Variants in CRYBG1 observed in about 807,000 individuals in gnomAD.
The protein encoded by CRYBG1 is beta/gamma crystallin domain-containing protein 1.
In CRYBG1, 139 loss-of-function variants were observed where a neutral mutation model predicts 189.2. That is an observed-to-expected ratio of 0.73 (90% CI 0.64 to 0.85). The LOEUF (loss-of-function observed/expected upper bound fraction) is 0.85, where lower values mean the gene tolerates loss of function less well. Among genes scored for constraint, CRYBG1 ranks in the 40% least tolerant of loss-of-function variants. The pLI, the probability that CRYBG1 is intolerant of heterozygous loss-of-function variation, is 0.00. For synonymous variants in CRYBG1, 1,023 were observed against 1,017.1 expected, an observed-to-expected ratio of 1.01 and a Z score of -0.11; for missense variants, 2,611 against 2,675.8, an observed-to-expected ratio of 0.98 and a Z score of 0.53.
chr6:106,373,727 A>G (rs1298312807), intron 1 of CRYBG1, among the ~76,000 whole-genome samples: 1 of 152,210 alleles, frequency 6.6e-6, no homozygotes, highest in African/African-American at 2.4e-5. Context: ...ACCAGACTGG[A>G]AATTTATATG....
intron 2 of CRYBG1, among the ~76,000 whole-genome samples, chr6:106,498,275 A>G (rs1256684735): frequency 2.0e-4 from 31 of 152,194 alleles, no homozygotes; most frequent in Non-Finnish European, 4.4e-5. Flanking sequence ...ATAATGACTA[A>G]TTATAAAGCA....
In CRYBG1 at chr6:106,370,638, G is replaced by A. The variant is rs114928011; in HGVS notation, c.173+9557G>A. Reference sequence around the variant, plus strand: ...GGCTTATAAGGGTTCTGTGAAATAAGCCCATACCCTCATTCTGAGGATAAG... The same window carrying A: ...GGCTTATAAGGGTTCTGTGAAATAAACCCATACCCTCATTCTGAGGATAAG... On this transcript the variant is annotated intron_variant, in intron 1 of 21. Transcript: ENST00000633556. Among the ~76,000 whole-genome samples the A allele has an allele frequency of 3.1e-3, 475 of 152,278 alleles. 1 individual carries two copies. The highest frequency in any genetic ancestry group is 0.011 in the African/African-American group (452 of 41,574).
intron 21 of CRYBG1, among the ~76,000 whole-genome samples, chr6:106,567,298 C>G (rs1275975149): frequency 6.6e-6 from 1 of 152,092 alleles, no homozygotes; most frequent in Non-Finnish European, 1.5e-5. Context: ...CTGCTACAAA[C>G]TTACACATAA....
At chr6:106,526,964 C>CA (rs1225360714) in intron 6 of CRYBG1, among the ~76,000 whole-genome samples, 1,406 of 106,734 alleles carry the variant, frequency 0.013, 17 homozygotes, top group East Asian at 0.063. Context: ...AAAAAAGAGA[C>CA]AAAAAAAAAA....
chr6:106,485,123 G>T (rs1772570749), intron 2 of CRYBG1, among the ~76,000 whole-genome samples: 1 of 152,144 alleles, frequency 6.6e-6, no homozygotes, highest in Non-Finnish European at 1.5e-5. Context: ...TCCAATCCAT[G>T]GACAGAAGAT....
chr6:106,446,793 C>A (rs1771671584), intron 1 of CRYBG1, among the ~76,000 whole-genome samples: 1 of 152,142 alleles, frequency 6.6e-6, no homozygotes, highest in Non-Finnish European at 1.5e-5. Flanking sequence ...CTTATATAAG[C>A]TTTAGGTCTC....
chr6:106,459,451 T>C (rs927825957), intron 2 of CRYBG1, among the ~76,000 whole-genome samples: 1 of 152,082 alleles, frequency 6.6e-6, no homozygotes, highest in Non-Finnish European at 1.5e-5. Flanking sequence ...CTTAAATTCT[T>C]TCCTCACCCT....
intron 20 of CRYBG1, among the ~76,000 whole-genome samples, chr6:106,562,590 G>C (rs963827792): frequency 9.9e-5 from 15 of 152,106 alleles, no homozygotes; most frequent in Non-Finnish European, 2.1e-4. Context: ...GGGTTCACGC[G>C]ATTCTCCTGC....
intron 1 of CRYBG1, among the ~76,000 whole-genome samples, chr6:106,433,790 TAC>T: frequency 7.2e-6 from 1 of 139,048 alleles, no homozygotes; most frequent in African/African-American, 2.7e-5. Flanking sequence ...TATATAAACA[TAC>T]ACACACATAC....
At position 106,513,090 on chromosome 6, in the gene CRYBG1, G is replaced by T. The variant is rs765551941; in HGVS notation, c.1922+51G>T. 4 of 1,556,972 alleles carry T rather than the reference G, an allele frequency of 2.6e-6. No individual in the cohort carries two copies. The South Asian group carries it at 4.6e-5, about 18-fold the overall frequency. ...GAGTTGCTGTCCGCACACGTGCTGG[G>T]GGTCCGCTCTGAGAGGCTCGGGGTA... On this transcript the variant is annotated intron_variant, in intron 3 of 21. Coordinates refer to ENST00000633556, the MANE Select transcript of CRYBG1 (RefSeq NM_001371242.2).
At chr6:106,473,115 G>A (rs775286211) in intron 2 of CRYBG1, among the ~76,000 whole-genome samples, 1 of 152,110 alleles carries the variant, frequency 6.6e-6, no homozygotes, top group Non-Finnish European at 1.5e-5. Flanking sequence ...TTCTATAAAG[G>A]AGGAATAAAA....
rs1774956861 is a variant in CRYBG1 at position 106,568,463 on chromosome 6, T to C, written c.6302-9T>C. The C allele has an allele frequency of 6.2e-7, 1 of 1,607,210 alleles. No individual in the cohort carries two copies. The highest frequency in any genetic ancestry group is 8.5e-7 in the Non-Finnish European group (1 of 1,173,876). ...TACATTCATCTTTTATTATTTTCCT[T>C]TCTTTTAGGGGGCACACAGTATGAT... On this transcript the variant is annotated splice_polypyrimidine_tract_variant and intron_variant, in intron 21 of 21. Coordinates refer to ENST00000633556, the MANE Select transcript of CRYBG1 (RefSeq NM_001371242.2).
At chr6:106,442,420 G>A (rs1771582048) in intron 1 of CRYBG1, among the ~76,000 whole-genome samples, 1 of 152,076 alleles carries the variant, frequency 6.6e-6, no homozygotes. Flanking sequence ...AGCTAAGGTG[G>A]GGCAAAGGTA....
At chr6:106,401,142 T>C (rs548623001) in intron 1 of CRYBG1, among the ~76,000 whole-genome samples, 15 of 152,338 alleles carry the variant, frequency 9.8e-5, no homozygotes, top group African/African-American at 2.9e-4. Flanking sequence ...GTCATTCTTC[T>C]TGATACTAAA....
chr6:106,388,307 C>G (rs1562293420), intron 1 of CRYBG1, among the ~76,000 whole-genome samples: 1 of 152,116 alleles, frequency 6.6e-6, no homozygotes, highest in Admixed American at 6.6e-5. Context: ...CCTGAACTAT[C>G]CTGGGGCTAA....
intron 1 of CRYBG1, among the ~76,000 whole-genome samples, chr6:106,437,819 C>T (rs1050345858): frequency 7.9e-5 from 12 of 152,150 alleles, no homozygotes; most frequent in Admixed American, 7.9e-4. Context: ...CGCTCCTAAT[C>T]TTTATGATTT....
At position 106,482,636 on chromosome 6, in the gene CRYBG1, G is replaced by A. The variant is rs577695887; in HGVS notation, c.313-28794G>A. Among the ~76,000 whole-genome samples, 11 of 152,174 alleles carry A rather than the reference G, an allele frequency of 7.2e-5. No individual in the cohort carries two copies. The East Asian group carries it at 7.7e-4, about 11-fold the overall frequency. Reference sequence around the variant, plus strand: ...TAAAAATACAAAAAATTAGCTGGGCGTGGTGGCGGGCACCTGTATTCCCAG... The same window carrying A: ...TAAAAATACAAAAAATTAGCTGGGCATGGTGGCGGGCACCTGTATTCCCAG... On this transcript the variant is annotated intron_variant, in intron 2 of 21. Coordinates refer to ENST00000633556, the MANE Select transcript of CRYBG1 (RefSeq NM_001371242.2).
intron 2 of CRYBG1, among the ~76,000 whole-genome samples, chr6:106,461,983 C>T (rs531667318): frequency 6.6e-6 from 1 of 152,204 alleles, no homozygotes; most frequent in African/African-American, 2.4e-5. Flanking sequence ...ATTGATTTGT[C>T]CAATATTTCT....
At chr6:106,541,517 G>A (rs1774129339) in intron 9 of CRYBG1, 69 bp from the exon 10 acceptor site, 1 of 1,408,504 alleles carries the variant, frequency 7.1e-7, no homozygotes, top group South Asian at 1.2e-5. Context: ...ACTGTAAACT[G>A]CTATGGCTAA....
Sources: gnomAD v4.1 joint callset for allele counts (sites outside exome capture counted in the v4.1 genomes callset) on GRCh38, gnomAD v4.1.1 for gene constraint, MANE v1.5 for transcripts, NCBI Gene and HGNC (gene_info 2026-07-23, HGNC 2026-07-21) for gene names.